The following PIK3CG variants were observed in gnomAD, a reference collection of about 807,000 sequenced individuals.
PIK3CG encodes phosphatidylinositol 4,5-bisphosphate 3-kinase catalytic subunit gamma isoform.
A neutral mutation model predicts 102.3 loss-of-function variants in PIK3CG; 55 were observed. The observed-to-expected ratio is 0.54, with a 90% CI of 0.43 to 0.67. The LOEUF (loss-of-function observed/expected upper bound fraction) is 0.67. Among genes scored for constraint, PIK3CG ranks in the 30% least tolerant of loss-of-function variants. The probability of loss-of-function intolerance (pLI) is 0.00; values close to 1 mark genes in which losing one functional copy is unlikely to be tolerated. For synonymous variants in PIK3CG, 552 were observed against 540.0 expected, an observed-to-expected ratio of 1.02 and a Z score of -0.31; for missense variants, 1,258 against 1,391.8, an observed-to-expected ratio of 0.90 and a Z score of 1.53.
At position 106,890,962 on chromosome 7, in the gene PIK3CG, G is replaced by A. The variant is rs904193825; in HGVS notation, c.3030+4670G>A. 1.3e-5 allele frequency among the ~76,000 whole-genome samples: 2 copies of A among 152,142 alleles called. No homozygotes were observed. Among genetic ancestry groups the A allele is most frequent in the South Asian group, 4.1e-4 (2 of 4,824 alleles). Reference sequence around the variant, plus strand: ...TCTGCAGAGCAGTTTTCTAAATCAGGTTCCCTCCTGTTACCCTTTGCCACA... The same window carrying A: ...TCTGCAGAGCAGTTTTCTAAATCAGATTCCCTCCTGTTACCCTTTGCCACA... On this transcript the variant is annotated intron_variant, in intron 10 of 10. Coordinates refer to ENST00000496166, the MANE Select transcript of PIK3CG (RefSeq NM_001282426.2). This position sits in a 1 kb window ranked among gnomAD's most constrained non-coding sequence, Gnocchi z 4.2.
rs1263368818 is a variant in PIK3CG at position 106,903,683 on chromosome 7, T to C, written c.3031-1426T>C. Reference sequence around the variant, plus strand: ...AAAAACTACTTACAGTAATATTTGATTTTTTAAAGACAATTAGGTCATTTG... The same window carrying C: ...AAAAACTACTTACAGTAATATTTGACTTTTTAAAGACAATTAGGTCATTTG... On this transcript the variant is annotated intron_variant, in intron 10 of 10. Coordinates refer to ENST00000496166, the MANE Select transcript of PIK3CG (RefSeq NM_001282426.2). The surrounding 1 kb of genome is among the most constrained non-coding windows in gnomAD (Gnocchi z 4.3). Among the ~76,000 whole-genome samples the C allele has an allele frequency of 6.6e-6, 1 of 151,940 alleles. No homozygotes were observed. Among genetic ancestry groups the C allele is most frequent in the Non-Finnish European group, 1.5e-5 (1 of 67,982 alleles).
At position 106,879,462 on chromosome 7, in the gene PIK3CG, C is replaced by T. The variant is rs529955168; in HGVS notation, c.2392-57C>T. On this transcript the variant is annotated intron_variant, in intron 5 of 10. Transcript: ENST00000496166. The surrounding 1 kb of genome is among the most constrained non-coding windows in gnomAD (Gnocchi z 4.9). ...TGTTTTGCAAGAGAATTTGTGTCTC[C>T]ACCATGTATATTCGTTATTCATTGT... The T allele has an allele frequency of 1.5e-6, 2 of 1,376,028 alleles. No homozygotes were observed. The highest frequency in any genetic ancestry group is 1.4e-5 in the African/African-American group (1 of 70,268). 85.2% of individuals were successfully genotyped at this position (1,376,028 alleles called of 1,614,324 possible).
Position 106,903,476 on chromosome 7 carries a change from A to G in PIK3CG, c.3031-1633A>G, listed in dbSNP as rs1791610316. Among the ~76,000 whole-genome samples the G allele has an allele frequency of 6.6e-6, 1 of 151,866 alleles. No homozygotes were observed. Among genetic ancestry groups the G allele is most frequent in the Admixed American group, 6.6e-5 (1 of 15,266 alleles). ...AAGTTTTATAATTTTTTAAGAGTAT[A>G]AAAATTATAAATTATAAAAATTATA... On this transcript the variant is annotated intron_variant, in intron 10 of 10. Coordinates refer to ENST00000496166, the MANE Select transcript of PIK3CG (RefSeq NM_001282426.2). This position sits in a 1 kb window ranked among gnomAD's most constrained non-coding sequence, Gnocchi z 4.3.
In PIK3CG at chr7:106,883,074, A is replaced by G. The variant is rs573193881; in HGVS notation, c.2671A>G (p.Ile891Val). The change falls in exon 8 of 11, where the codon ATT becomes GTT. Residue 891 changes from isoleucine to valine, a missense_variant. Physicochemically the swap from Ile to Val is conservative, Grantham distance 29. Around this residue, in one of 2 missense-constraint regions of PIK3CG, gnomAD observed 426 missense variants for 604.2 expected, o/e 0.71. Transcript: ENST00000496166. This position sits in a 1 kb window ranked among gnomAD's most constrained non-coding sequence, Gnocchi z 5.8. ...IVKDATTIAK[I>V]QQSTVGNTGA... The stretch of plus-strand genomic sequence containing the variant: ...GAAAGACGCCACGACAATTGCCAAA[A>G]TTCAGCAAAGCACAGTGGGCAACAC... The G allele has an allele frequency of 1.6e-4, 261 of 1,614,156 alleles. 3 individuals are homozygous for G. In the South Asian group the frequency reaches 2.5e-3, roughly 16 times the overall value.
Position 106,880,946 on chromosome 7 carries a change from C to T in PIK3CG, c.2539-1171C>T, listed in dbSNP as rs903219462. Among the ~76,000 whole-genome samples the T allele has an allele frequency of 6.6e-6, 1 of 152,116 alleles. No homozygotes were observed. Among genetic ancestry groups the T allele is most frequent in the African/African-American group, 2.4e-5 (1 of 41,432 alleles). ...CCACCTCAGCCTCCCACACAACTTT[C>T]ACAGTCTTCTCCTTTTCTTTCCCTT... On this transcript the variant is annotated intron_variant, in intron 6 of 10. Transcript: ENST00000496166. This position sits in a 1 kb window ranked among gnomAD's most constrained non-coding sequence, Gnocchi z 4.2.
chr7:106,884,279 A>C lies in PIK3CG; in HGVS notation c.2872+13A>C, dbSNP rs771192443. The stretch of plus-strand genomic sequence containing the variant: ...ATCACCGAGACAGGTGAGTTTATTT[A>C]GTGCAGAATAAACTTTTATTGTGGT... On this transcript the variant is annotated intron_variant, in intron 9 of 10. Coordinates refer to ENST00000496166, the MANE Select transcript of PIK3CG (RefSeq NM_001282426.2). The surrounding 1 kb of genome is among the most constrained non-coding windows in gnomAD (Gnocchi z 4.2). 1 of 1,509,464 alleles carries C rather than the reference A, an allele frequency of 6.6e-7. No individual in the cohort carries two copies. The allele number at this position is 1,509,464 out of a possible 1,614,324, so 93.5% of individuals were successfully genotyped here.
rs1193787518 is a variant in PIK3CG at position 106,874,691 on chromosome 7, C to T, written c.2288-9C>T. 7.0e-6 allele frequency: 11 copies of T among 1,566,816 alleles called. No homozygotes were observed. Among genetic ancestry groups the T allele is most frequent in the Non-Finnish European group, 7.0e-6 (8 of 1,137,394 alleles). On this transcript the variant is annotated splice_polypyrimidine_tract_variant and intron_variant, in intron 4 of 10. Transcript: ENST00000496166. This position sits in a 1 kb window ranked among gnomAD's most constrained non-coding sequence, Gnocchi z 4.3. ...TCACATAACTCTTGTGTACTTTTGA[C>T]AATTACAGTTATTTCACAACTTAAA...
rs904362136 is a variant in PIK3CG at position 106,877,839 on chromosome 7, ACCCCCG to A, written c.2392-1678_2392-1673del. ...TACAGGCAACAGTATACTTCCATTAACCCCCGCATCCTTTGCATTATTTTTATTATG... is the reference window on the plus strand; with the variant it reads ...TACAGGCAACAGTATACTTCCATTAACATCCTTTGCATTATTTTTATTATG... On this transcript the variant is annotated intron_variant, in intron 5 of 10. Coordinates refer to ENST00000496166, the MANE Select transcript of PIK3CG (RefSeq NM_001282426.2). The surrounding 1 kb of genome is among the most constrained non-coding windows in gnomAD (Gnocchi z 4.5). 8.6e-5 allele frequency among the ~76,000 whole-genome samples: 13 copies of A among 151,888 alleles called. No homozygotes were observed. The highest frequency in any genetic ancestry group is 3.1e-4 in the African/African-American group (13 of 41,314).
Position 106,895,187 on chromosome 7 carries a change from CTCT to C in PIK3CG, c.3030+8902_3030+8904del, listed in dbSNP as rs1270816673. 6.6e-6 allele frequency among the ~76,000 whole-genome samples: 1 copy of C among 152,200 alleles called. No individual in the cohort carries two copies. Among genetic ancestry groups the C allele is most frequent in the Non-Finnish European group, 1.5e-5 (1 of 68,028 alleles). ...TCCTCGAAGTCAGATTTTTCCCTTA[CTCT>C]TCTTCTCTCAATAATACAAATCCTT... is the stretch of plus-strand genomic sequence containing the variant. On this transcript the variant is annotated intron_variant, in intron 10 of 10. Transcript: ENST00000496166. This position sits in a 1 kb window ranked among gnomAD's most constrained non-coding sequence, Gnocchi z 5.4.
In PIK3CG at chr7:106,884,236, C is replaced by T; in HGVS notation, c.2842C>T (p.His948Tyr). ...ATFVLGIGDRHNDNIMITETG... is the reference protein window; with the variant it reads ...ATFVLGIGDRYNDNIMITETG... ...CTTTGTTCTTGGAATAGGCGACAGA[C>T]ACAATGACAATATTATGATCACCGA... The change falls in exon 9 of 11, where the codon CAC (histidine) becomes TAC (tyrosine). Residue 948 changes from histidine to tyrosine, a missense_variant. Physicochemically the swap from His to Tyr is moderately conservative, Grantham distance 83 (BLOSUM62 2). Around this residue, in one of 2 missense-constraint regions of PIK3CG, gnomAD observed 426 missense variants for 604.2 expected, o/e 0.71. Transcript: ENST00000496166. This position sits in a 1 kb window ranked among gnomAD's most constrained non-coding sequence, Gnocchi z 4.2. 1 of 1,613,082 alleles carries T rather than the reference C, an allele frequency of 6.2e-7. No homozygotes were observed. Among genetic ancestry groups the T allele is most frequent in the Non-Finnish European group, 8.5e-7 (1 of 1,179,268 alleles).
rs1791003386 is a variant in PIK3CG, at chr7:106,883,540, A to G, written c.2760+377A>G. Among the ~76,000 whole-genome samples, 1 of 152,240 alleles carries G rather than the reference A, an allele frequency of 6.6e-6. No individual in the cohort carries two copies. Among genetic ancestry groups the G allele is most frequent in the Non-Finnish European group, 1.5e-5 (1 of 68,040 alleles). On this transcript the variant is annotated intron_variant, in intron 8 of 10. Transcript: ENST00000496166. This position sits in a 1 kb window ranked among gnomAD's most constrained non-coding sequence, Gnocchi z 5.8. ...ACCTGGGAAATACAACATACACAAC[A>G]AAGTAATTTATAATTTACTGCTGAA...
chr7:106,900,379 C>T (rs1168689021), intron 10 of PIK3CG, among the ~76,000 whole-genome samples: 2 of 151,710 alleles, frequency 1.3e-5, no homozygotes, highest in Admixed American at 6.6e-5. Flanking sequence ...TAGGACAAAC[C>T]CCTGCTTTTT....
rs1311958671 is a variant in PIK3CG at position 106,902,392 on chromosome 7, T to C, written c.3031-2717T>C. ...TGAATTTTGACAAATGCATCAGTCA[T>C]GTAACCACCATCACAATTAAGTTAT... On this transcript the variant is annotated intron_variant, in intron 10 of 10. Transcript: ENST00000496166. This position sits in a 1 kb window ranked among gnomAD's most constrained non-coding sequence, Gnocchi z 4.3. Among the ~76,000 whole-genome samples, 2 of 152,186 alleles carry C rather than the reference T, an allele frequency of 1.3e-5. No individual in the cohort carries two copies. Among genetic ancestry groups the C allele is most frequent in the African/African-American group, 4.8e-5 (2 of 41,446 alleles).
In PIK3CG at chr7:106,903,315, C is replaced by G. The variant is rs1584351181; in HGVS notation, c.3031-1794C>G. 6.6e-6 allele frequency among the ~76,000 whole-genome samples: 1 copy of G among 152,084 alleles called. No individual in the cohort carries two copies. The highest frequency in any genetic ancestry group is 2.1e-4 in the South Asian group (1 of 4,832). On this transcript the variant is annotated intron_variant, in intron 10 of 10. Transcript: ENST00000496166. The surrounding 1 kb of genome is among the most constrained non-coding windows in gnomAD (Gnocchi z 4.3). ...ATTTCAGATGAACTTTAAACCATATCTGAGTTTAAACACCCAATAAGAATT... is the reference window on the plus strand; with the variant it reads ...ATTTCAGATGAACTTTAAACCATATGTGAGTTTAAACACCCAATAAGAATT...
chr7:106,908,344 CG>C lies in PIK3CG; in HGVS notation c.*2958del, dbSNP rs1290975151. On this transcript the variant is annotated 3_prime_UTR_variant, in exon 11 of 11. Transcript: ENST00000496166. The surrounding 1 kb of genome is among the most constrained non-coding windows in gnomAD (Gnocchi z 4.1). ...TCAGTTTAGCACACGCGGTCTACCA[CG>C]TCTGCATGAGTGGTAAATGTAGTGC... Among the ~76,000 whole-genome samples, 1 of 152,188 alleles carries C rather than the reference CG, an allele frequency of 6.6e-6. No individual in the cohort carries two copies. The highest frequency in any genetic ancestry group is 2.4e-5 in the African/African-American group (1 of 41,428).
intron 1 of PIK3CG, 164 bp downstream of exon 1, chr7:106,865,590 A>T (rs1790251998): frequency 6.6e-6 from 1 of 152,232 alleles, no homozygotes; most frequent in Non-Finnish European, 1.5e-5. Flanking sequence ...GGATATCTAC[A>T]ACGTTCCGGC....
chr7:106,905,055 C>A lies in PIK3CG; in HGVS notation c.3031-54C>A, dbSNP rs1485221157. ...TCAGTACATCCCTGTAATCTTCAGC[C>A]TACTTGTTAGTTACCATAACAACAG... is the stretch of plus-strand genomic sequence containing the variant. On this transcript the variant is annotated intron_variant, in intron 10 of 10. Transcript: ENST00000496166. This position sits in a 1 kb window ranked among gnomAD's most constrained non-coding sequence, Gnocchi z 5.6. The A allele has an allele frequency of 6.7e-7, 1 of 1,489,884 alleles. No individual in the cohort carries two copies. The highest frequency in any genetic ancestry group is 9.2e-7 in the Non-Finnish European group (1 of 1,082,216). The allele number at this position is 1,489,884 out of a possible 1,614,324, so 92.3% of individuals were successfully genotyped here.
chr7:106,868,551 G>A lies in PIK3CG; in HGVS notation c.990G>A (p.Thr330=), dbSNP rs564086584. 1.1e-5 allele frequency: 18 copies of A among 1,614,078 alleles called. No individual in the cohort carries two copies. The highest frequency in any genetic ancestry group is 2.2e-5 in the East Asian group (1 of 44,860). The stretch of plus-strand genomic sequence containing the variant: ...AGTGGCCACTGGTGGATGACTGCAC[G>A]GGAGTCACCGGCTACCATGAGCAGC... ...KEEWPLVDDC[T]GVTGYHEQLT... Residue 330 remains threonine (T), a synonymous_variant, in exon 2 of 11, where the codon ACG becomes ACA. Coordinates refer to ENST00000496166, the MANE Select transcript of PIK3CG (RefSeq NM_001282426.2). The surrounding 1 kb of genome is among the most constrained non-coding windows in gnomAD (Gnocchi z 6.2).
rs1433460924 is a variant in PIK3CG at position 106,872,080 on chromosome 7, T to C, written c.1996-457T>C. Among the ~76,000 whole-genome samples, 1 of 152,190 alleles carries C rather than the reference T, an allele frequency of 6.6e-6. No homozygotes were observed. The highest frequency in any genetic ancestry group is 1.5e-5 in the Non-Finnish European group (1 of 68,036). ...GAAGCTATAGGGCTTTTAGGATCTTTCCATCTAACAAATATTTTTCTCCTT... is the reference window on the plus strand; with the variant it reads ...GAAGCTATAGGGCTTTTAGGATCTTCCCATCTAACAAATATTTTTCTCCTT... On this transcript the variant is annotated intron_variant, in intron 2 of 10. Coordinates refer to ENST00000496166, the MANE Select transcript of PIK3CG (RefSeq NM_001282426.2). This position sits in a 1 kb window ranked among gnomAD's most constrained non-coding sequence, Gnocchi z 5.3.
Sources: gnomAD v4.1 joint callset for allele counts (sites outside exome capture counted in the v4.1 genomes callset) on GRCh38, gnomAD v4.1.1 for gene constraint, gnomAD v4.1.1 regional missense constraint, Gnocchi (gnomAD v3.1) non-coding constraint, MANE v1.5 for transcripts, NCBI Gene and HGNC (gene_info 2026-07-23, HGNC 2026-07-21) for gene names.